Variants in DIP2A observed in about 807,000 individuals in gnomAD.
The protein encoded by DIP2A is disco-interacting protein 2 homolog A.
Under a neutral mutation model 177.4 loss-of-function variants are expected in DIP2A, and 85 were observed. The ratio of observed to expected loss-of-function variants is 0.48; its 90% CI spans 0.40 to 0.57. DIP2A has a LOEUF of 0.57. DIP2A is among the 20% of genes least tolerant of loss of function. The pLI, the probability that DIP2A is intolerant of heterozygous loss-of-function variation, is 0.00. For synonymous variants in DIP2A, 886 were observed against 881.8 expected (o/e 1.00, Z -0.08); for missense variants, 1,791 against 2,100.2 (o/e 0.85, Z 2.88).
At chr21:46,470,712 A>C (rs938776237) in intron 1 of DIP2A, among the ~76,000 whole-genome samples, 24 of 151,484 alleles carry the variant, frequency 1.6e-4, no homozygotes, top group Admixed American at 1.6e-3. Flanking sequence ...TGGAGTGAGC[A>C]GAGATCACAC....
Position 46,554,286 on chromosome 21 carries a change from C to T in DIP2A, c.3148C>T (p.Pro1050Ser). The T allele has an allele frequency of 6.2e-7, 1 of 1,613,796 alleles. No individual in the cohort carries two copies. Among genetic ancestry groups the T allele is most frequent in the Non-Finnish European group, 8.5e-7 (1 of 1,179,788 alleles). The change falls in exon 26 of 38, where the codon CCA (proline) becomes TCA (serine). Residue 1050 changes from proline to serine, a missense_variant. Coordinates refer to ENST00000417564, the MANE Select transcript of DIP2A (RefSeq NM_015151.4). ...TGGGGACCATGTGGCTCTGGTCTAC[C>T]CACCAGGTGGGCTCACTGTGGGGCT... Reference protein sequence around the residue: ...SVGDHVALVYPPGVDLIAAFY... With the variant: ...SVGDHVALVYSPGVDLIAAFY...
In DIP2A at chr21:46,517,623, C is replaced by T. The variant is rs1601627077; in HGVS notation, c.1102+6009C>T. On this transcript the variant is annotated intron_variant, in intron 8 of 37. Coordinates refer to ENST00000417564, the MANE Select transcript of DIP2A (RefSeq NM_015151.4). ...TTCCCAGCCGTGGCGTTGGTCTCCTCGTGGCTTCTTAACAACCCCATTCTG... is the reference window on the plus strand; with the variant it reads ...TTCCCAGCCGTGGCGTTGGTCTCCTTGTGGCTTCTTAACAACCCCATTCTG... 3.3e-5 allele frequency among the ~76,000 whole-genome samples: 5 copies of T among 152,350 alleles called. No individual in the cohort carries two copies. The South Asian group carries it at 8.3e-4, about 25-fold the overall frequency.
chr21:46,498,920 C>G lies in DIP2A; in HGVS notation c.655+87C>G, dbSNP rs2057506198. 6.9e-7 allele frequency: 1 copy of G among 1,450,950 alleles called. No individual in the cohort carries two copies. The highest frequency in any genetic ancestry group is 2.6e-5 in the Admixed American group (1 of 38,346). The allele number at this position is 1,450,950 out of a possible 1,614,324, so 89.9% of individuals were successfully genotyped here. A position where few individuals can be genotyped will look rare whatever the true frequency, so the allele number is the denominator to read the frequency against. On this transcript the variant is annotated intron_variant, in intron 5 of 37. Transcript: ENST00000417564. This position sits in a 1 kb window ranked among gnomAD's most constrained non-coding sequence, Gnocchi z 4.3. ...GAGGAGCAGATGGAGGGCACCTGAG[C>G]CAGGCGCCACCCTGCAGACTTAGCT...
intron 21 of DIP2A, 72 bp from the exon 22 acceptor site, chr21:46,549,699 G>T (rs1045769714): frequency 1.9e-6 from 3 of 1,586,186 alleles, no homozygotes; most frequent in Non-Finnish European, 2.6e-6. Flanking sequence ...CTCTTCCATC[G>T]TGAGGGTGAG....
chr21:46,502,339 C>T (rs1013138643), intron 5 of DIP2A, among the ~76,000 whole-genome samples: 8 of 151,592 alleles, frequency 5.3e-5, no homozygotes, highest in Non-Finnish European at 1.0e-4. Flanking sequence ...ACTATGTTGC[C>T]CAGGCTGATC....
intron 1 of DIP2A, among the ~76,000 whole-genome samples, chr21:46,464,008 C>T (rs920098537): frequency 4.0e-5 from 6 of 151,640 alleles, no homozygotes; most frequent in Non-Finnish European, 7.4e-5. Context: ...GCGCCTGGCC[C>T]ATAATTCTTA....
the DIP2A span, among the ~76,000 whole-genome samples, chr21:46,577,780 C>G: frequency 5.3e-5 from 8 of 152,082 alleles, no homozygotes; most frequent in Non-Finnish European, 4.4e-5. Context: ...GAATGTTTTT[C>G]CATTTGTTTG....
chr21:46,546,708 C>T (rs1296389196), intron 20 of DIP2A, among the ~76,000 whole-genome samples: 1 of 152,184 alleles, frequency 6.6e-6, no homozygotes, highest in Non-Finnish European at 1.5e-5. Context: ...CACCAGCCCC[C>T]ATTCCTTCCA....
intron 3 of DIP2A, among the ~76,000 whole-genome samples, chr21:46,496,114 G>T (rs73372056): frequency 0.11 from 16,651 of 151,596 alleles, 2,477 homozygotes; most frequent in African/African-American, 0.34. Flanking sequence ...TTGCTGTGGT[G>T]CACAGGCTGG....
downstream of DIP2A, among the ~76,000 whole-genome samples, chr21:46,572,907 A>G (rs2060977775): frequency 6.6e-6 from 1 of 152,214 alleles, no homozygotes; most frequent in African/African-American, 2.4e-5. Context: ...AATTGCCTAC[A>G]GTATTTTGTA....
In DIP2A at chr21:46,537,157, TCTA is replaced by T; in HGVS notation, c.1643-66_1643-64del. ...GATGACGTACTCACCTCAGAATTTC[TCTA>T]GAAAATGCATAGGGCTTATTGAGAG... On this transcript the variant is annotated intron_variant, in intron 13 of 37. Coordinates refer to ENST00000417564, the MANE Select transcript of DIP2A (RefSeq NM_015151.4). The surrounding 1 kb of genome is among the most constrained non-coding windows in gnomAD (Gnocchi z 4.1). The T allele has an allele frequency of 2.6e-6, 4 of 1,546,246 alleles. No homozygotes were observed. Among genetic ancestry groups the T allele is most frequent in the Non-Finnish European group, 2.7e-6 (3 of 1,118,224 alleles).
chr21:46,561,223 AG>A (rs1356261997), intron 33 of DIP2A: 5 of 279,390 alleles, frequency 1.8e-5, no homozygotes, highest in Non-Finnish European at 3.4e-5. Flanking sequence ...TTAGAGGGAT[AG>A]GGACAGATAG....
intron 1 of DIP2A, among the ~76,000 whole-genome samples, chr21:46,471,923 TAGC>T (rs1484228919): frequency 6.6e-6 from 1 of 152,194 alleles, no homozygotes; most frequent in Non-Finnish European, 1.5e-5. Context: ...ATTTTGGAAA[TAGC>T]AGACAAAGAG....
At chr21:46,551,999 C>G in intron 25 of DIP2A, 95 bp downstream of exon 25, 2 of 1,404,256 alleles carry the variant, frequency 1.4e-6, no homozygotes, top group Non-Finnish European at 1.9e-6. Context: ...CCTGGTTGTT[C>G]TCATGTTTAG....
chr21:46,560,405 T>C (rs2060624637), intron 32 of DIP2A, among the ~76,000 whole-genome samples: 1 of 152,238 alleles, frequency 6.6e-6, no homozygotes, highest in Non-Finnish European at 1.5e-5. Context: ...CAAATCCTAA[T>C]GGTGTTTTCA....
chr21:46,562,435 A>G (rs1216708906), intron 34 of DIP2A, among the ~76,000 whole-genome samples: 2 of 152,222 alleles, frequency 1.3e-5, no homozygotes, highest in Admixed American at 1.3e-4. Context: ...GTGCCTTCAC[A>G]ACCGCAGAGG....
Position 46,545,370 on chromosome 21 carries a change from G to A in DIP2A, c.2313+97G>A, listed in dbSNP as rs1047865924. On this transcript the variant is annotated intron_variant, in intron 19 of 37. Transcript: ENST00000417564. ...GGTGCTGGGGGATTGCAGAGGCTGCGGGGATGGTCTCCTTCCACACAGGCG... is the reference window on the plus strand; with the variant it reads ...GGTGCTGGGGGATTGCAGAGGCTGCAGGGATGGTCTCCTTCCACACAGGCG... 1.8e-5 allele frequency: 26 copies of A among 1,416,180 alleles called. No homozygotes were observed. The African/African-American group carries it at 1.9e-4, about 10-fold the overall frequency. The allele number at this position is 1,416,180 out of a possible 1,614,324, so 87.7% of individuals were successfully genotyped here.
Position 46,511,625 on chromosome 21 carries a change from A to G in DIP2A, c.1102+11A>G, listed in dbSNP as rs2058318694. 5 of 1,517,286 alleles carry G rather than the reference A, an allele frequency of 3.3e-6. No individual in the cohort carries two copies. Among genetic ancestry groups the G allele is most frequent in the Admixed American group, 2.3e-5 (1 of 43,416 alleles). 94.0% of individuals were successfully genotyped at this position (1,517,286 alleles called of 1,614,324 possible). On this transcript the variant is annotated intron_variant, in intron 8 of 37. Transcript: ENST00000417564. ...ACACTCTCACCTATGGCAAGTGTTA[A>G]CAGAAAGCAGTTGTGCTTCTGGGTT... is the stretch of plus-strand genomic sequence containing the variant.
chr21:46,551,867 C>T lies in DIP2A; in HGVS notation c.2993C>T (p.Thr998Ile), dbSNP rs764892947. The change falls in exon 25 of 38, where the codon ACT becomes ATT. Residue 998 changes from threonine (T) to isoleucine (I), a missense_variant. Transcript: ENST00000417564. ...ADVLQWRAHT[T>I]PDHPLFLLLN... ...GTGCTGCAGTGGCGTGCCCACACCACTCCTGACCACCCGCTGTTCTTGCTG... is the reference window on the plus strand; with the variant it reads ...GTGCTGCAGTGGCGTGCCCACACCATTCCTGACCACCCGCTGTTCTTGCTG... 6.2e-7 allele frequency: 1 copy of T among 1,611,066 alleles called. No homozygotes were observed. The highest frequency in any genetic ancestry group is 8.5e-7 in the Non-Finnish European group (1 of 1,178,780).
Sources: allele counts gnomAD v4.1 joint callset (sites outside exome capture counted in the v4.1 genomes callset), GRCh38; gene constraint gnomAD v4.1.1; non-coding constraint Gnocchi (gnomAD v3.1); transcripts MANE v1.5; gene names NCBI Gene and HGNC (gene_info 2026-07-23, HGNC 2026-07-21).